OGFOD3: variants seen among roughly 807,000 people sequenced by gnomAD.
OGFOD3 encodes 2-oxoglutarate and iron dependent oxygenase domain containing 3, also known as 2-oxoglutarate and iron-dependent oxygenase domain-containing protein 3.
In OGFOD3, 35 loss-of-function variants were observed where a neutral mutation model predicts 39.8. The ratio of observed to expected loss-of-function variants is 0.88; its 90% CI spans 0.67 to 1.17. The LOEUF (loss-of-function observed/expected upper bound fraction) is 1.17, where lower values mean the gene tolerates loss of function less well. Ranked by LOEUF, OGFOD3 falls within the 50% of genes most tolerant of loss-of-function variation. The pLI is 0.00. For synonymous variants in OGFOD3, 200 were observed against 192.0 expected (o/e 1.04, Z -0.34); for missense variants, 438 against 454.5 (o/e 0.96, Z 0.33).
In OGFOD3 at chr17:82,394,507, T is replaced by C. The variant is rs370501930; in HGVS notation, c.824-1973A>G. 27 of 1,613,410 alleles carry C rather than the reference T, an allele frequency of 1.7e-5. No homozygotes were observed. The African/African-American group carries it at 3.5e-4, about 21-fold the overall frequency. ...ACTGGCTCTCGGTCCATTAACTTCT[T>C]GGAACCCACAAGACATCATCCGGAA... On this transcript the variant is annotated intron_variant, in intron 8 of 8. Coordinates refer to ENST00000313056, the MANE Select transcript of OGFOD3 (RefSeq NM_024648.3).
intron 3 of OGFOD3, among the ~76,000 whole-genome samples, chr17:82,409,850 G>A (rs948949741): frequency 2.0e-5 from 3 of 152,128 alleles, no homozygotes; most frequent in African/African-American, 7.2e-5. Flanking sequence ...AGCCGAGATC[G>A]CGCCACTGCA....
At chr17:82,416,355 G>A (rs1040969410) in intron 1 of OGFOD3, among the ~76,000 whole-genome samples, 1 of 152,216 alleles carries the variant, frequency 6.6e-6, no homozygotes, top group Non-Finnish European at 1.5e-5. Context: ...GGTGCCCTGT[G>A]GTGCAGCTGC....
Position 82,415,334 on chromosome 17 carries a change from C to A in OGFOD3, c.304+64G>T. The A allele has an allele frequency of 6.7e-7, 1 of 1,494,234 alleles. No homozygotes were observed. Among genetic ancestry groups the A allele is most frequent in the South Asian group, 1.2e-5 (1 of 82,636 alleles). The allele number at this position is 1,494,234 out of a possible 1,614,324, so 92.6% of individuals were successfully genotyped here. Reference sequence around the variant, plus strand: ...ACATCCAACCCAATTCCCACCCCTTCGTCGCAGCCAATGTCCTTTAACCAC... The same window carrying A: ...ACATCCAACCCAATTCCCACCCCTTAGTCGCAGCCAATGTCCTTTAACCAC... On this transcript the variant is annotated intron_variant, in intron 2 of 8. Transcript: ENST00000313056. This position sits in a 1 kb window ranked among gnomAD's most constrained non-coding sequence, Gnocchi z 5.3.
Position 82,389,683 on chromosome 17 carries a change from C to G in OGFOD3, c.*2715G>C, listed in dbSNP as rs1035498985. On this transcript the variant is annotated 3_prime_UTR_variant, in exon 9 of 9. Coordinates refer to ENST00000313056, the MANE Select transcript of OGFOD3 (RefSeq NM_024648.3). The surrounding 1 kb of genome is among the most constrained non-coding windows in gnomAD (Gnocchi z 4.6). The stretch of plus-strand genomic sequence containing the variant: ...GCCCAGCTACATTTTTTAAAAGTTT[C>G]TTGTACAGACAGCGTCTCACTATGT... 2 of 152,148 alleles carry G rather than the reference C, an allele frequency of 1.3e-5. No homozygotes were observed. Among genetic ancestry groups the G allele is most frequent in the Middle Eastern group, 3.4e-3 (1 of 294 alleles). 9.4% of individuals were successfully genotyped at this position (152,148 alleles called of 1,614,324 possible).
chr17:82,395,665 C>T (rs2052660809), intron 8 of OGFOD3, among the ~76,000 whole-genome samples: 1 of 152,156 alleles, frequency 6.6e-6, no homozygotes, highest in African/African-American at 2.4e-5. Flanking sequence ...ACTAAAAATA[C>T]AAACAATTAG....
At position 82,404,227 on chromosome 17, in the gene OGFOD3, G is replaced by A. The variant is rs942005833; in HGVS notation, c.546-137C>T. ...CGGGGCGGGGGCTCCCAAGCACACC[G>A]GGAACAGATACCGGCTCCGCCTGGG... On this transcript the variant is annotated intron_variant, in intron 6 of 8. Transcript: ENST00000313056. The surrounding 1 kb of genome is among the most constrained non-coding windows in gnomAD (Gnocchi z 4.5). 5 of 975,604 alleles carry A rather than the reference G, an allele frequency of 5.1e-6. No individual in the cohort carries two copies. Among genetic ancestry groups the A allele is most frequent in the African/African-American group, 3.3e-5 (2 of 60,750 alleles). The allele number at this position is 975,604 out of a possible 1,614,324, so 60.4% of individuals were successfully genotyped here.
chr17:82,394,691 G>T, intron 8 of OGFOD3: 1 of 580,894 alleles, frequency 1.7e-6, no homozygotes, highest in South Asian at 2.4e-5. Flanking sequence ...TGCCTGATAG[G>T]AGAACCTCTG....
At chr17:82,414,725 T>C (rs2053005214) in intron 2 of OGFOD3, among the ~76,000 whole-genome samples, 1 of 152,208 alleles carries the variant, frequency 6.6e-6, no homozygotes, top group Non-Finnish European at 1.5e-5. Flanking sequence ...GTGCAAAGCA[T>C]TGAATTGAAT....
chr17:82,402,657 G>C (rs1452389114), intron 7 of OGFOD3, among the ~76,000 whole-genome samples: 1 of 152,086 alleles, frequency 6.6e-6, no homozygotes, highest in Non-Finnish European at 1.5e-5. Flanking sequence ...TGAGACAGGA[G>C]AATCACTTGA....
chr17:82,405,631 A>G (rs1437724046), intron 5 of OGFOD3, among the ~76,000 whole-genome samples: 2 of 152,222 alleles, frequency 1.3e-5, no homozygotes, highest in East Asian at 1.9e-4. Flanking sequence ...CCTGGCCAAC[A>G]TGGCACAACC....
At position 82,390,817 on chromosome 17, in the gene OGFOD3, A is replaced by G. The variant is rs113043877; in HGVS notation, c.*1581T>C. On this transcript the variant is annotated 3_prime_UTR_variant, in exon 9 of 9. Transcript: ENST00000313056. The surrounding 1 kb of genome is among the most constrained non-coding windows in gnomAD (Gnocchi z 4.9). ...TCACGCCCGCTCCTTCCCAGGGGTC[A>G]CCATGCCTCAGCTGGCCTCACGCCC... 0.21 allele frequency: 17,242 copies of G among 81,784 alleles called. 2,090 individuals carry two copies. The highest frequency in any genetic ancestry group is 0.27 in the Non-Finnish European group (10,202 of 37,436). The allele number at this position is 81,784 out of a possible 1,614,324, so 5.1% of individuals were successfully genotyped here.
intron 2 of OGFOD3, among the ~76,000 whole-genome samples, chr17:82,411,950 GA>G (rs1258230777): frequency 1.3e-5 from 2 of 151,546 alleles, no homozygotes; most frequent in African/African-American, 2.4e-5. Context: ...CACCAGGGAG[GA>G]AAACCCTCCT....
chr17:82,409,560 T>C (rs1243842810), intron 3 of OGFOD3, 150 bp from the exon 4 acceptor site: 2 of 723,432 alleles, frequency 2.8e-6, no homozygotes, highest in Non-Finnish European at 4.8e-6. Flanking sequence ...ACCAAAGGAC[T>C]CAACTTTCAA....
intron 6 of OGFOD3, among the ~76,000 whole-genome samples, 156 bp downstream of exon 6, chr17:82,405,168 T>C (rs1248835462): frequency 2.0e-5 from 3 of 152,188 alleles, no homozygotes; most frequent in Non-Finnish European, 4.4e-5. Context: ...ACGCTGGGCC[T>C]GCCCCGGCCT....
At chr17:82,398,649 T>G (rs1369186978) in intron 7 of OGFOD3, among the ~76,000 whole-genome samples, 2 of 152,112 alleles carry the variant, frequency 1.3e-5, no homozygotes, top group East Asian at 3.9e-4. Context: ...TCCACCCACC[T>G]TGGCCTCCCA....
intron 8 of OGFOD3, chr17:82,396,983 G>T (rs72857427): frequency 0.25 from 37,548 of 152,118 alleles, 5,057 homozygotes; most frequent in South Asian, 0.42. Context: ...TTGGCCAGCC[G>T]CTGGCTACAG....
At chr17:82,412,676 G>A (rs1386877195) in intron 2 of OGFOD3, among the ~76,000 whole-genome samples, 2 of 152,094 alleles carry the variant, frequency 1.3e-5, no homozygotes, top group Non-Finnish European at 2.9e-5. Context: ...GATGCACAAG[G>A]TACAGCAGAG....
intron 8 of OGFOD3, among the ~76,000 whole-genome samples, chr17:82,394,821 G>A (rs956618839): frequency 2.0e-5 from 3 of 152,184 alleles, no homozygotes; most frequent in Non-Finnish European, 4.4e-5. Context: ...GGCCAGCCGT[G>A]CCTGCACCAC....
chr17:82,415,462 G>A lies in OGFOD3; in HGVS notation c.240C>T (p.Val80=), dbSNP rs2053016370. ...VAEVLARRGE[V]VAGRFIEVPC... is the part of the protein sequence containing the mutation. The stretch of plus-strand genomic sequence containing the variant: ...GCACCTCGATGAATCTCCCTGCCAC[G>A]ACCTCGCCACGGCGGGCCAGGACCT... Residue 80 remains valine (V), a synonymous_variant, in exon 2 of 9, where the codon GTC becomes GTT. Coordinates refer to ENST00000313056, the MANE Select transcript of OGFOD3 (RefSeq NM_024648.3). This position sits in a 1 kb window ranked among gnomAD's most constrained non-coding sequence, Gnocchi z 5.3. 2 of 1,613,854 alleles carry A rather than the reference G, an allele frequency of 1.2e-6. No individual in the cohort carries two copies. The highest frequency in any genetic ancestry group is 2.2e-5 in the East Asian group (1 of 44,892).
Sources: allele counts gnomAD v4.1 joint callset (sites outside exome capture counted in the v4.1 genomes callset), GRCh38; gene constraint gnomAD v4.1.1; non-coding constraint Gnocchi (gnomAD v3.1); transcripts MANE v1.5; gene names NCBI Gene and HGNC (gene_info 2026-07-23, HGNC 2026-07-21).